MAP4K3: variants seen among roughly 807,000 people sequenced by gnomAD.
MAP4K3 encodes the protein mitogen-activated protein kinase kinase kinase kinase 3.
Under a neutral mutation model 143.5 loss-of-function variants are expected in MAP4K3, and 94 were observed. The observed-to-expected ratio is 0.65, with a 90% CI of 0.55 to 0.78. MAP4K3 has a LOEUF of 0.78. Among genes scored for constraint, MAP4K3 ranks in the 30% least tolerant of loss-of-function variants. The pLI is 0.00. For missense variants in MAP4K3, 1,077 were observed against 1,068.1 expected, an observed-to-expected ratio of 1.01 and a Z score of -0.12; for synonymous variants, 416 against 347.2, an observed-to-expected ratio of 1.20 and a Z score of -2.20.
chr2:39,286,229 C>T (rs1397746474), intron 21 of MAP4K3, among the ~76,000 whole-genome samples: 1 of 152,200 alleles, frequency 6.6e-6, no homozygotes, highest in Non-Finnish European at 1.5e-5. Flanking sequence ...ACCTAGATCC[C>T]TTGCATGCAC....
chr2:39,341,578 C>T (rs925154460), intron 4 of MAP4K3, among the ~76,000 whole-genome samples: 9 of 151,868 alleles, frequency 5.9e-5, no homozygotes, highest in Admixed American at 4.6e-4. Context: ...ATCACTTGAA[C>T]CCGGGAGGTG....
At chr2:39,259,551 T>G (rs764682397) in intron 29 of MAP4K3, among the ~76,000 whole-genome samples, 12 of 152,206 alleles carry the variant, frequency 7.9e-5, no homozygotes, top group Non-Finnish European at 1.6e-4. Context: ...CATAAAATAC[T>G]TAAAATTTCT....
chr2:39,392,437 G>C (rs1301511630), intron 1 of MAP4K3, among the ~76,000 whole-genome samples: 2 of 152,120 alleles, frequency 1.3e-5, no homozygotes, highest in Non-Finnish European at 2.9e-5. Flanking sequence ...GCATCCCAAA[G>C]TGACGCTCTT....
chr2:39,303,534 T>G (rs1314837481), intron 15 of MAP4K3, among the ~76,000 whole-genome samples: 1 of 152,060 alleles, frequency 6.6e-6, no homozygotes, highest in Non-Finnish European at 1.5e-5. Context: ...AACATAGTGT[T>G]TTTTGGGTTT....
chr2:39,319,725 T>C (rs1264538950), intron 12 of MAP4K3, among the ~76,000 whole-genome samples: 1 of 152,232 alleles, frequency 6.6e-6, no homozygotes, highest in Non-Finnish European at 1.5e-5. Flanking sequence ...ACTAATCTGC[T>C]ATGCAGTAGA....
In MAP4K3 at chr2:39,336,980, A is replaced by C. The variant is rs199685774; in HGVS notation, c.367-13T>G. 5.4e-6 allele frequency: 7 copies of C among 1,307,676 alleles called. No homozygotes were observed. The African/African-American group carries it at 1.0e-4, about 19-fold the overall frequency. 81.0% of individuals were successfully genotyped at this position (1,307,676 alleles called of 1,614,324 possible). A position where few individuals can be genotyped will look rare whatever the true frequency, so the allele number is the denominator to read the frequency against. On this transcript the variant is annotated splice_polypyrimidine_tract_variant and intron_variant, in intron 5 of 33. Coordinates refer to ENST00000263881, the MANE Select transcript of MAP4K3 (RefSeq NM_003618.4). ...GATAATATAATCCCTGGAGTTTCAAAAAACAGAAAAATAAACAAGATTTTA... is the reference window on the plus strand; with the variant it reads ...GATAATATAATCCCTGGAGTTTCAACAAACAGAAAAATAAACAAGATTTTA...
intron 12 of MAP4K3, among the ~76,000 whole-genome samples, chr2:39,322,592 A>ATGTGTGTGTG (rs71752304): frequency 0.044 from 6,308 of 144,656 alleles, 198 homozygotes; most frequent in East Asian, 0.1. Context: ...GATGTGGTAT[A>ATGTGTGTGTG]TGTGTGTGTG....
At chr2:39,412,610 T>C (rs909640182) in intron 1 of MAP4K3, among the ~76,000 whole-genome samples, 1 of 152,160 alleles carries the variant, frequency 6.6e-6, no homozygotes, top group Non-Finnish European at 1.5e-5. Flanking sequence ...AGGGCTTTCC[T>C]AAACGGCGAT....
chr2:39,299,461 G>A (rs1238881366), intron 16 of MAP4K3, among the ~76,000 whole-genome samples: 2 of 152,118 alleles, frequency 1.3e-5, no homozygotes, highest in East Asian at 3.8e-4. Context: ...TAGAAATAAA[G>A]TGCTAAAACA....
At chr2:39,353,657 T>C (rs1006998199) in intron 3 of MAP4K3, among the ~76,000 whole-genome samples, 1 of 152,208 alleles carries the variant, frequency 6.6e-6, no homozygotes, top group Non-Finnish European at 1.5e-5. Context: ...ACCACAGCTA[T>C]ACTGCTATCC....
At chr2:39,312,685 G>T (rs17023656) in intron 13 of MAP4K3, among the ~76,000 whole-genome samples, 1 of 152,168 alleles carries the variant, frequency 6.6e-6, no homozygotes, top group Non-Finnish European at 1.5e-5. Context: ...TGATAAGTAG[G>T]TTAAGAATGA....
intron 3 of MAP4K3, among the ~76,000 whole-genome samples, chr2:39,355,065 T>TA (rs1327102724): frequency 6.6e-6 from 1 of 151,978 alleles, no homozygotes; most frequent in Non-Finnish European, 1.5e-5. Flanking sequence ...CCCGTCTCTA[T>TA]AAAAAATACA....
At chr2:39,356,668 A>G in intron 2 of MAP4K3, among the ~76,000 whole-genome samples, 1 of 152,198 alleles carries the variant, frequency 6.6e-6, no homozygotes, top group East Asian at 1.9e-4. Context: ...TAAAATAATA[A>G]TAGCCTATCT....
At chr2:39,344,726 G>C (rs986384846) in intron 3 of MAP4K3, among the ~76,000 whole-genome samples, 4 of 152,142 alleles carry the variant, frequency 2.6e-5, no homozygotes, top group South Asian at 2.1e-4. Flanking sequence ...TGAATGGAAA[G>C]TTTTAGGGAG....
At chr2:39,366,479 G>A (rs182945631) in intron 2 of MAP4K3, among the ~76,000 whole-genome samples, 274 of 152,280 alleles carry the variant, frequency 1.8e-3, no homozygotes, top group African/African-American at 6.2e-3. Flanking sequence ...AATTTCAGAC[G>A]AAGAAATGTT....
At chr2:39,410,005 C>G (rs1194127514) in intron 1 of MAP4K3, among the ~76,000 whole-genome samples, 1 of 152,106 alleles carries the variant, frequency 6.6e-6, no homozygotes, top group African/African-American at 2.4e-5. Context: ...AACTTCTTAC[C>G]ACAAACTGAA....
chr2:39,431,824 G>C (rs1665298737), intron 1 of MAP4K3, among the ~76,000 whole-genome samples: 1 of 152,160 alleles, frequency 6.6e-6, no homozygotes, highest in East Asian at 1.9e-4. Flanking sequence ...CCATTTTACA[G>C]CTGAGGAAAC....
chr2:39,390,215 A>T (rs530042571), intron 1 of MAP4K3, among the ~76,000 whole-genome samples: 3 of 152,224 alleles, frequency 2.0e-5, no homozygotes, highest in African/African-American at 7.2e-5. Context: ...TTTGGTAGGT[A>T]GGACCCAATG....
intron 12 of MAP4K3, among the ~76,000 whole-genome samples, chr2:39,316,880 T>A (rs1293673363): frequency 6.6e-6 from 1 of 152,078 alleles, no homozygotes; most frequent in East Asian, 1.9e-4. Flanking sequence ...TGTAGATACA[T>A]TCTCAAAAAT....
Sources: allele counts gnomAD v4.1 joint callset (sites outside exome capture counted in the v4.1 genomes callset), GRCh38; gene constraint gnomAD v4.1.1; transcripts MANE v1.5; gene names NCBI Gene and HGNC (gene_info 2026-07-23, HGNC 2026-07-21).